RALGAPA1: variants seen among roughly 807,000 people sequenced by gnomAD.
The protein encoded by RALGAPA1 is ral GTPase-activating protein subunit alpha-1.
RALGAPA1 carries 52 observed loss-of-function variants against 269.6 expected under a neutral mutation model. That is an observed-to-expected ratio of 0.19 (90% CI 0.15 to 0.24). RALGAPA1 has a LOEUF of 0.24. Among genes scored for constraint, RALGAPA1 ranks in the 10% least tolerant of loss-of-function variants. RALGAPA1 has a pLI of 1.00. For missense variants in RALGAPA1, 1,917 were observed against 3,013.9 expected (o/e 0.64, Z 8.52); for synonymous variants, 817 against 1,008.3 (o/e 0.81, Z 3.60).
chr14:35,808,655 A>C, intron 1 of RALGAPA1, 75 bp downstream of exon 1: 1 of 1,490,982 alleles, frequency 6.7e-7, no homozygotes, highest in Non-Finnish European at 9.1e-7. Context: ...GTCCCGAGAG[A>C]GAGTCCGCAG....
chr14:35,797,486 A>C (rs1240467337), intron 1 of RALGAPA1, among the ~76,000 whole-genome samples: 1 of 152,170 alleles, frequency 6.6e-6, no homozygotes, highest in East Asian at 1.9e-4. Context: ...AGTTAGAAGG[A>C]ATAAGTTCTG....
chr14:35,683,314 T>C (rs745687101), intron 21 of RALGAPA1: 4 of 152,298 alleles, frequency 2.6e-5, no homozygotes, highest in Non-Finnish European at 4.4e-5. Context: ...AACTACTATC[T>C]AAACACAGAA....
chr14:35,720,513 T>A (rs1330430256), intron 16 of RALGAPA1, among the ~76,000 whole-genome samples: 1 of 152,228 alleles, frequency 6.6e-6, no homozygotes, highest in Non-Finnish European at 1.5e-5. Flanking sequence ...ACGGATACAT[T>A]CCCATGGAAA....
intron 37 of RALGAPA1, among the ~76,000 whole-genome samples, chr14:35,580,162 G>T (rs2057862597): frequency 6.6e-6 from 1 of 152,070 alleles, no homozygotes; most frequent in Non-Finnish European, 1.5e-5. Flanking sequence ...CCCCTATTTT[G>T]GGGGGTCCAG....
chr14:35,625,514 C>G, intron 34 of RALGAPA1, 82 bp from the exon 35 acceptor site: 1 of 975,778 alleles, frequency 1.0e-6, no homozygotes, highest in South Asian at 1.7e-5. Context: ...CCACTCTACT[C>G]ATGCAACTTT....
intron 41 of RALGAPA1, among the ~76,000 whole-genome samples, chr14:35,546,405 A>G (rs1056062913): frequency 2.0e-5 from 3 of 151,900 alleles, no homozygotes; most frequent in Admixed American, 6.6e-5. Flanking sequence ...ACATGTATAC[A>G]TATGTAACTA....
At chr14:35,661,176 T>A (rs57645970) in intron 27 of RALGAPA1, among the ~76,000 whole-genome samples, 2,786 of 152,232 alleles carry the variant, frequency 0.018, 85 homozygotes, top group African/African-American at 0.063. Context: ...GATGGATATG[T>A]TATTTGGATT....
At chr14:35,754,080 C>T (rs1259836687) in intron 7 of RALGAPA1, among the ~76,000 whole-genome samples, 2 of 152,098 alleles carry the variant, frequency 1.3e-5, no homozygotes, top group East Asian at 1.9e-4. Flanking sequence ...GTCAACATTG[C>T]TCATACATCA....
At chr14:35,643,586 A>T (rs1039058546) in intron 31 of RALGAPA1, among the ~76,000 whole-genome samples, 1 of 152,236 alleles carries the variant, frequency 6.6e-6, no homozygotes, top group Non-Finnish European at 1.5e-5. Flanking sequence ...CTACATTCCC[A>T]TGTTTACTGC....
At chr14:35,651,909 A>G in intron 30 of RALGAPA1, 36 bp from the exon 31 acceptor site, 3 of 1,524,512 alleles carry the variant, frequency 2.0e-6, no homozygotes, top group East Asian at 2.3e-5. Context: ...AAAGCTCTAT[A>G]TATGTCAAAT....
At chr14:35,612,809 A>G (rs2060039332) in intron 35 of RALGAPA1, among the ~76,000 whole-genome samples, 2 of 152,070 alleles carry the variant, frequency 1.3e-5, no homozygotes, top group Admixed American at 6.5e-5. Flanking sequence ...AAGTGCGGGG[A>G]TTACAGGTGT....
rs144515627 is a variant in RALGAPA1 at position 35,637,625 on chromosome 14, G to C, written c.5677-2027C>G. Reference sequence around the variant, plus strand: ...AATCTAGAGTTATTGGCTTTAAAGAGGAGATAGATTGGGATATAAAGTTTA... The same window carrying C: ...AATCTAGAGTTATTGGCTTTAAAGACGAGATAGATTGGGATATAAAGTTTA... On this transcript the variant is annotated intron_variant, in intron 31 of 41. Coordinates refer to ENST00000680220, the MANE Select transcript of RALGAPA1 (RefSeq NM_001346249.2). Among the ~76,000 whole-genome samples the C allele has an allele frequency of 7.9e-4, 120 of 152,188 alleles. 1 individual carries two copies. Among genetic ancestry groups the C allele is most frequent in the Non-Finnish European group, 1.2e-3 (79 of 68,010 alleles).
chr14:35,570,521 C>A, intron 39 of RALGAPA1, 96 bp downstream of exon 39: 2 of 995,588 alleles, frequency 2.0e-6, no homozygotes, highest in East Asian at 3.1e-5. Context: ...TAAAAAAACC[C>A]TAGAAAATAA....
At chr14:35,702,108 A>G (rs922472524) in intron 16 of RALGAPA1, among the ~76,000 whole-genome samples, 2 of 152,226 alleles carry the variant, frequency 1.3e-5, no homozygotes, top group Non-Finnish European at 2.9e-5. Context: ...TGCAAGAACC[A>G]TATCCCCTGA....
At chr14:35,612,231 C>T (rs1462348039) in intron 35 of RALGAPA1, among the ~76,000 whole-genome samples, 2 of 151,718 alleles carry the variant, frequency 1.3e-5, no homozygotes, top group African/African-American at 4.8e-5. Context: ...ATTGGCCAGG[C>T]GTGGTGGCAT....
intron 12 of RALGAPA1, among the ~76,000 whole-genome samples, chr14:35,732,731 T>C (rs1393339908): frequency 6.6e-6 from 1 of 152,160 alleles, no homozygotes; most frequent in African/African-American, 2.4e-5. Context: ...CACCTAACAC[T>C]GCAGCTCCCA....
At chr14:35,600,636 T>C (rs2059237562) in intron 36 of RALGAPA1, among the ~76,000 whole-genome samples, 2 of 152,248 alleles carry the variant, frequency 1.3e-5, no homozygotes, top group African/African-American at 4.8e-5. Context: ...TGGGTACAAC[T>C]ACATAGCCTT....
chr14:35,674,475 T>A (rs762075642), intron 23 of RALGAPA1, 41 bp downstream of exon 23: 1 of 1,525,964 alleles, frequency 6.6e-7, no homozygotes, highest in East Asian at 2.3e-5. Flanking sequence ...TTTAAATATT[T>A]TTATTTTCTT....
At chr14:35,743,942 A>G (rs1400781631) in intron 10 of RALGAPA1, among the ~76,000 whole-genome samples, 1 of 152,120 alleles carries the variant, frequency 6.6e-6, no homozygotes, top group African/African-American at 2.4e-5. Context: ...ATTTTCATAG[A>G]AAAAAAATTT....
Sources: gnomAD v4.1 joint callset for allele counts (sites outside exome capture counted in the v4.1 genomes callset) on GRCh38, gnomAD v4.1.1 for gene constraint, MANE v1.5 for transcripts, NCBI Gene and HGNC (gene_info 2026-07-23, HGNC 2026-07-21) for gene names.